TEX9: variants seen among roughly 807,000 people sequenced by gnomAD.
TEX9 encodes the protein testis expressed 9, also known as testis-expressed protein 9.
A neutral mutation model predicts 59.6 loss-of-function variants in TEX9; 74 were observed. The observed-to-expected ratio is 1.24, with a 90% confidence interval of 1.03 to 1.51. TEX9 has a LOEUF of 1.51. Among genes scored for constraint, TEX9 ranks in the 40% most tolerant of loss-of-function variants. TEX9 has a pLI of 0.00. For missense variants in TEX9, 522 were observed against 447.8 expected, an observed-to-expected ratio of 1.17 and a Z score of -1.49; for synonymous variants, 186 against 152.2, an observed-to-expected ratio of 1.22 and a Z score of -1.64.
At chr15:56,456,879 C>T in the TEX9 span, among the ~76,000 whole-genome samples, 1 of 152,178 alleles carries the variant, frequency 6.6e-6, no homozygotes, top group African/African-American at 2.4e-5. Flanking sequence ...CATCATGTCA[C>T]TTACCATGTA....
chr15:56,425,834 C>G (rs1402452885), intron 10 of TEX9, among the ~76,000 whole-genome samples: 1 of 152,056 alleles, frequency 6.6e-6, no homozygotes, highest in Non-Finnish European at 1.5e-5. Context: ...CCACTTCTCC[C>G]AGTCTTGCAG....
chr15:56,367,141 T>C (rs1040177362), intron 2 of TEX9, among the ~76,000 whole-genome samples: 8 of 152,226 alleles, frequency 5.3e-5, no homozygotes, highest in South Asian at 2.1e-4. Flanking sequence ...GGGACTATTA[T>C]TGTATTCTAG....
chr15:56,281,989 C>T (rs1213379105), intron 1 of TEX9, among the ~76,000 whole-genome samples: 1 of 152,094 alleles, frequency 6.6e-6, no homozygotes, highest in Non-Finnish European at 1.5e-5. Flanking sequence ...GCGGAGAATA[C>T]CTACCCCTTA....
At chr15:56,427,353 C>T (rs1184685849) in intron 10 of TEX9, among the ~76,000 whole-genome samples, 1 of 152,092 alleles carries the variant, frequency 6.6e-6, no homozygotes, top group African/African-American at 2.4e-5. Flanking sequence ...TGGTTCAATA[C>T]AAGCTACTTT....
At chr15:56,322,395 T>A (rs934115415) in intron 1 of TEX9, among the ~76,000 whole-genome samples, 1 of 152,162 alleles carries the variant, frequency 6.6e-6, no homozygotes, top group Non-Finnish European at 1.5e-5. Flanking sequence ...GGGGCAATTA[T>A]GGAATTAAGA....
intron 9 of TEX9, among the ~76,000 whole-genome samples, chr15:56,409,397 T>C (rs1426347847): frequency 6.6e-6 from 1 of 152,180 alleles, no homozygotes; most frequent in Non-Finnish European, 1.5e-5. Context: ...GAAACCACAC[T>C]GACCTTCTAG....
At chr15:56,356,356 A>C (rs559697945) in intron 1 of TEX9, among the ~76,000 whole-genome samples, 1 of 152,204 alleles carries the variant, frequency 6.6e-6, no homozygotes, top group African/African-American at 2.4e-5. Flanking sequence ...TTTTCTGATA[A>C]ACTCCACAAA....
At chr15:56,316,265 T>C (rs568206751) in intron 1 of TEX9, among the ~76,000 whole-genome samples, 7 of 151,834 alleles carry the variant, frequency 4.6e-5, no homozygotes, top group Admixed American at 3.3e-4. Context: ...TTCTGTTTTT[T>C]CCCCATCTTT....
At chr15:56,399,309 C>G (rs2048650228) in intron 9 of TEX9, among the ~76,000 whole-genome samples, 1 of 152,262 alleles carries the variant, frequency 6.6e-6, no homozygotes, top group Non-Finnish European at 1.5e-5. Flanking sequence ...GAGATTCTCT[C>G]CCGTGCCTGG....
chr15:56,349,386 G>A (rs1185635955), intron 1 of TEX9, among the ~76,000 whole-genome samples: 1 of 152,122 alleles, frequency 6.6e-6, no homozygotes, highest in Non-Finnish European at 1.5e-5. Context: ...GTGTAATTCA[G>A]GGGTCAGCTA....
intron 1 of TEX9, among the ~76,000 whole-genome samples, chr15:56,351,611 G>C (rs1264124985): frequency 2.0e-5 from 3 of 152,266 alleles, no homozygotes; most frequent in African/African-American, 7.2e-5. Flanking sequence ...AATGATCTCT[G>C]TGTCTTTAGT....
At chr15:56,447,026 T>C, downstream of TEX9, 2 of 912,776 alleles carry the variant, frequency 2.2e-6, no homozygotes, top group Non-Finnish European at 3.4e-6. Context: ...AACTGTATTT[T>C]TAATTTACTC....
chr15:56,424,621 A>G (rs1194185143), intron 10 of TEX9, among the ~76,000 whole-genome samples: 2 of 152,150 alleles, frequency 1.3e-5, no homozygotes, highest in African/African-American at 4.8e-5. Flanking sequence ...TCAATCGTAT[A>G]TAAAGACTCT....
chr15:56,458,817 T>C, the TEX9 span, among the ~76,000 whole-genome samples: 1 of 152,202 alleles, frequency 6.6e-6, no homozygotes, highest in Non-Finnish European at 1.5e-5. Context: ...TAATATTCCA[T>C]TGTCTGGATG....
intron 2 of TEX9, among the ~76,000 whole-genome samples, chr15:56,370,342 A>T (rs115656482): frequency 0.028 from 4,210 of 152,220 alleles, 196 homozygotes; most frequent in African/African-American, 0.095. Flanking sequence ...AGTCTGTACT[A>T]ATTTAGATTT....
At chr15:56,454,634 T>TA in the TEX9 span, among the ~76,000 whole-genome samples, 4 of 152,134 alleles carry the variant, frequency 2.6e-5, no homozygotes, top group Non-Finnish European at 5.9e-5. Context: ...TGAGTGAAAG[T>TA]ACTGTTTTCA....
chr15:56,391,898 A>C (rs2048233048), intron 7 of TEX9, among the ~76,000 whole-genome samples: 1 of 152,174 alleles, frequency 6.6e-6, no homozygotes, highest in South Asian at 2.1e-4. Flanking sequence ...CAATCAAATG[A>C]GTGTTCTAAT....
intron 10 of TEX9, among the ~76,000 whole-genome samples, chr15:56,422,672 T>G (rs1455761658): frequency 6.6e-6 from 1 of 151,964 alleles, no homozygotes; most frequent in African/African-American, 2.4e-5. Flanking sequence ...AAGCTACACA[T>G]AAGATTTACC....
chr15:56,273,276 C>G (rs2414474), intron 1 of TEX9, among the ~76,000 whole-genome samples: 5,430 of 152,176 alleles, frequency 0.036, 350 homozygotes, highest in African/African-American at 0.12. Flanking sequence ...TCAATATTAT[C>G]TCTACTATTG....
Sources: allele counts gnomAD v4.1 joint callset (sites outside exome capture counted in the v4.1 genomes callset), GRCh38; gene constraint gnomAD v4.1.1; transcripts MANE v1.5; gene names NCBI Gene and HGNC (gene_info 2026-07-23, HGNC 2026-07-21).